The following CNTN5 variants were observed in gnomAD, a reference collection of about 807,000 sequenced individuals.
CNTN5 encodes the protein contactin-5.
Under a neutral mutation model 129.1 loss-of-function variants are expected in CNTN5, and 77 were observed. The observed-to-expected ratio is 0.60, with a 90% confidence interval of 0.50 to 0.72. CNTN5 has a LOEUF of 0.72. Among genes scored for constraint, CNTN5 ranks in the 30% least tolerant of loss-of-function variants. CNTN5 has a pLI of 0.00. For synonymous variants in CNTN5, 509 were observed against 465.6 expected (o/e 1.09, Z -1.20); for missense variants, 1,478 against 1,328.8 (o/e 1.11, Z -1.75).
At chr11:99,674,658 C>T (rs1953194383) in intron 3 of CNTN5, among the ~76,000 whole-genome samples, 1 of 152,136 alleles carries the variant, frequency 6.6e-6, no homozygotes, top group Non-Finnish European at 1.5e-5. Flanking sequence ...AGTAGAGGAA[C>T]TCATGCTTAC....
chr11:99,102,620 C>A (rs1213873450), intron 1 of CNTN5, among the ~76,000 whole-genome samples: 1 of 152,150 alleles, frequency 6.6e-6, no homozygotes, highest in Non-Finnish European at 1.5e-5. Flanking sequence ...GCAAGAGTCA[C>A]CGTTACTCCA....
intron 3 of CNTN5, among the ~76,000 whole-genome samples, chr11:99,744,041 A>G (rs1254312371): frequency 6.6e-6 from 1 of 152,158 alleles, no homozygotes; most frequent in Non-Finnish European, 1.5e-5. Flanking sequence ...ACCCTTAAAA[A>G]GAAAAATTTA....
intron 3 of CNTN5, among the ~76,000 whole-genome samples, chr11:99,792,547 G>GTC: frequency 1.1e-5 from 1 of 92,614 alleles, no homozygotes; most frequent in Non-Finnish European, 2.2e-5. Flanking sequence ...GGGTGTGTGT[G>GTC]TGTGTGTGTG....
chr11:99,735,999 A>ATTTCTTTTTCTTTCTCTTTTTTTTCTCTC (rs1943694569), intron 3 of CNTN5, among the ~76,000 whole-genome samples: 4 of 149,514 alleles, frequency 2.7e-5, no homozygotes, highest in African/African-American at 7.4e-5. Flanking sequence ...GCTCCTCTTG[A>ATTTCTTTTTCTTTCTCTTTTTTTTCTCTC]TTTCTTTTTC....
intron 1 of CNTN5, among the ~76,000 whole-genome samples, chr11:99,048,117 G>C (rs977870388): frequency 6.6e-6 from 1 of 151,784 alleles, no homozygotes; most frequent in African/African-American, 2.4e-5. Context: ...AAAGCATTTT[G>C]GAATAACTTT....
intron 2 of CNTN5, among the ~76,000 whole-genome samples, chr11:99,522,232 C>T (rs1297190371): frequency 1.3e-5 from 2 of 151,976 alleles, no homozygotes; most frequent in African/African-American, 4.8e-5. Context: ...TTGAATAGAG[C>T]AAGTTTATAA....
intron 9 of CNTN5, among the ~76,000 whole-genome samples, chr11:100,050,037 C>G (rs1942873928): frequency 6.6e-6 from 1 of 152,126 alleles, no homozygotes; most frequent in South Asian, 2.1e-4. Context: ...GGACTGTAAA[C>G]TAGTTCAACC....
chr11:99,304,182 C>T (rs560523246), intron 1 of CNTN5, among the ~76,000 whole-genome samples: 1 of 152,086 alleles, frequency 6.6e-6, no homozygotes, highest in Admixed American at 6.5e-5. Context: ...AGTGCCCTAA[C>T]GTTCTTCACA....
At chr11:99,668,801 G>T (rs1185679638) in intron 3 of CNTN5, among the ~76,000 whole-genome samples, 2 of 152,094 alleles carry the variant, frequency 1.3e-5, no homozygotes, top group Non-Finnish European at 2.9e-5. Flanking sequence ...GGGTGTGGGG[G>T]CATGTGCCTG....
At chr11:99,814,757 C>G (rs936601456) in intron 3 of CNTN5, among the ~76,000 whole-genome samples, 1 of 151,872 alleles carries the variant, frequency 6.6e-6, no homozygotes, top group African/African-American at 2.4e-5. Context: ...AGTTGAGATG[C>G]CAAACAGAAA....
intron 6 of CNTN5, among the ~76,000 whole-genome samples, chr11:99,868,281 A>C (rs916869211): frequency 1.3e-5 from 2 of 152,154 alleles, no homozygotes; most frequent in Non-Finnish European, 2.9e-5. Context: ...GCATTGTATA[A>C]GAAAATATGC....
chr11:99,369,234 T>TATATATAATATATATATAATATATA (rs1939679309), intron 2 of CNTN5, among the ~76,000 whole-genome samples: 1 of 144,678 alleles, frequency 6.9e-6, no homozygotes, highest in South Asian at 2.1e-4. Context: ...ATATATGTAT[T>TATATATAATATATATATAATATATA]TCAAAGGAGC....
chr11:99,867,497 G>A (rs1281311233), intron 6 of CNTN5, among the ~76,000 whole-genome samples: 4 of 152,100 alleles, frequency 2.6e-5, no homozygotes, highest in African/African-American at 9.7e-5. Context: ...TTCCATTATG[G>A]AGGCTCCAGG....
chr11:100,061,473 G>T, intron 10 of CNTN5, 80 bp downstream of exon 10: 1 of 1,044,494 alleles, frequency 9.6e-7, no homozygotes, highest in South Asian at 1.9e-5. Context: ...ACTAAATATT[G>T]TTTGTTAGGT....
intron 3 of CNTN5, among the ~76,000 whole-genome samples, chr11:99,645,112 A>AAAAAAAAAAC (rs1951906515): frequency 6.7e-6 from 1 of 150,096 alleles, no homozygotes. Flanking sequence ...TTAAAAAAAA[A>AAAAAAAAAAC]AGCCAGGCGT....
intron 1 of CNTN5, among the ~76,000 whole-genome samples, chr11:99,215,862 AT>A (rs200712176): frequency 1.7e-4 from 26 of 152,128 alleles, no homozygotes; most frequent in African/African-American, 5.3e-4. Flanking sequence ...AAGCATCTGC[AT>A]TTTTTTCACT....
At chr11:100,182,256 A>C (rs1424592880) in intron 13 of CNTN5, among the ~76,000 whole-genome samples, 1 of 152,054 alleles carries the variant, frequency 6.6e-6, no homozygotes, top group Non-Finnish European at 1.5e-5. Flanking sequence ...GGTTGCTTAC[A>C]TATTTATATC....
chr11:99,793,674 A>G (rs1428520685), intron 3 of CNTN5, among the ~76,000 whole-genome samples: 1 of 152,038 alleles, frequency 6.6e-6, no homozygotes, highest in Non-Finnish European at 1.5e-5. Flanking sequence ...TAATTTCATC[A>G]TTTGCCCAGA....
chr11:99,716,007 G>A (rs1021506576), intron 3 of CNTN5, among the ~76,000 whole-genome samples: 22 of 130,664 alleles, frequency 1.7e-4, no homozygotes, highest in Admixed American at 3.5e-4. Flanking sequence ...TTCAGCTTTC[G>A]ACTTTAGTCA....
Sources: allele counts gnomAD v4.1 joint callset (sites outside exome capture counted in the v4.1 genomes callset), GRCh38; gene constraint gnomAD v4.1.1; transcripts MANE v1.5; gene names NCBI Gene and HGNC (gene_info 2026-07-23, HGNC 2026-07-21).